ZBTB20: variants seen among roughly 807,000 people sequenced by gnomAD.
ZBTB20 encodes zinc finger and BTB domain-containing protein 20.
A neutral mutation model predicts 56.9 loss-of-function variants in ZBTB20; 9 were observed. That is an observed-to-expected ratio of 0.16 (90% CI 0.10 to 0.28). The LOEUF (loss-of-function observed/expected upper bound fraction) is 0.28, where lower values mean the gene tolerates loss of function less well. Among genes scored for constraint, ZBTB20 ranks in the 10% least tolerant of loss-of-function variants. The pLI is 1.00. For missense variants in ZBTB20, 655 were observed against 1,003.0 expected, an observed-to-expected ratio of 0.65 and a Z score of 4.69; for synonymous variants, 417 against 420.7, an observed-to-expected ratio of 0.99 and a Z score of 0.11.
At chr3:115,135,727 T>C (rs909923570) in intron 1 of ZBTB20, among the ~76,000 whole-genome samples, 1 of 152,194 alleles carries the variant, frequency 6.6e-6, no homozygotes, top group East Asian at 1.9e-4. Flanking sequence ...TGTTACCCTC[T>C]ATATTGTTCA....
At chr3:114,652,192 A>G (rs1407471241) in intron 6 of ZBTB20, among the ~76,000 whole-genome samples, 3 of 152,068 alleles carry the variant, frequency 2.0e-5, no homozygotes, top group African/African-American at 4.8e-5. Context: ...GCCCCCTTCC[A>G]GTTAATTTCT....
At chr3:114,389,833 G>A (rs1402764398) in intron 7 of ZBTB20, among the ~76,000 whole-genome samples, 3 of 135,630 alleles carry the variant, frequency 2.2e-5, no homozygotes, top group Non-Finnish European at 4.6e-5. Context: ...AGGTTGCAGT[G>A]AGCCGAGATT....
intron 3 of ZBTB20, among the ~76,000 whole-genome samples, chr3:114,945,295 G>A (rs1483448676): frequency 6.9e-6 from 1 of 145,062 alleles, no homozygotes; most frequent in Non-Finnish European, 1.5e-5. Context: ...TATCTTTCAA[G>A]TAAAAGGAAA....
At chr3:114,898,462 T>G (rs2074976826) in intron 4 of ZBTB20, among the ~76,000 whole-genome samples, 2 of 152,138 alleles carry the variant, frequency 1.3e-5, no homozygotes, top group Non-Finnish European at 2.9e-5. Context: ...ACAGAATTTA[T>G]CAGTATTCTC....
intron 4 of ZBTB20, among the ~76,000 whole-genome samples, chr3:114,877,630 T>C (rs1175691577): frequency 6.6e-6 from 1 of 152,238 alleles, no homozygotes; most frequent in East Asian, 1.9e-4. Flanking sequence ...TAAATATTTT[T>C]AAAACACACA....
Position 114,316,192 on chromosome 3 carries a change from G to A in ZBTB20, c.*22813C>T, listed in dbSNP as rs2078677680. The A allele has an allele frequency of 3.8e-6, 1 of 262,084 alleles. No homozygotes were observed. Among genetic ancestry groups the A allele is most frequent in the African/African-American group, 2.4e-5 (1 of 42,104 alleles). 16.2% of individuals were successfully genotyped at this position (262,084 alleles called of 1,614,324 possible). A position where few individuals can be genotyped will look rare whatever the true frequency, so the allele number is the denominator to read the frequency against. On this transcript the variant is annotated 3_prime_UTR_variant, in exon 12 of 12. Transcript: ENST00000675478. ...GACTAAAAGAAATAACTGATGAAAT[G>A]GTATATAGAACATTACTGCATTCGC...
chr3:114,564,016 GA>G (rs958911987), intron 6 of ZBTB20, among the ~76,000 whole-genome samples: 1 of 152,054 alleles, frequency 6.6e-6, no homozygotes, highest in Non-Finnish European at 1.5e-5. Flanking sequence ...GAGTCTTTAA[GA>G]GAAAATCCCT....
chr3:115,134,875 C>T (rs1251027494), intron 1 of ZBTB20, among the ~76,000 whole-genome samples: 1 of 152,220 alleles, frequency 6.6e-6, no homozygotes, highest in East Asian at 1.9e-4. Context: ...CAAAGGTAAA[C>T]AGCCTGTCAG....
At chr3:114,625,999 G>A (rs998705611) in intron 6 of ZBTB20, among the ~76,000 whole-genome samples, 16 of 152,124 alleles carry the variant, frequency 1.1e-4, no homozygotes, top group African/African-American at 3.9e-4. Flanking sequence ...TCAGGAAATG[G>A]TAGTAATGGC....
At chr3:114,591,403 ATTCT>A (rs1257785651) in intron 6 of ZBTB20, among the ~76,000 whole-genome samples, 1 of 152,226 alleles carries the variant, frequency 6.6e-6, no homozygotes, top group African/African-American at 2.4e-5. Flanking sequence ...AGAGGAAGTC[ATTCT>A]TTATTTTCAG....
intron 10 of ZBTB20, among the ~76,000 whole-genome samples, chr3:114,374,222 G>A (rs1018967684): frequency 1.3e-5 from 2 of 152,162 alleles, no homozygotes; most frequent in East Asian, 3.8e-4. Context: ...TAACAGATGA[G>A]GGGCTTACTT....
intron 11 of ZBTB20, among the ~76,000 whole-genome samples, chr3:114,342,233 G>A (rs2079836139): frequency 6.6e-6 from 1 of 152,096 alleles, no homozygotes; most frequent in African/African-American, 2.4e-5. Flanking sequence ...CTATTTTCTT[G>A]CATATTACTT....
intron 3 of ZBTB20, among the ~76,000 whole-genome samples, chr3:114,937,169 T>A (rs1271477819): frequency 6.6e-6 from 1 of 152,188 alleles, no homozygotes; most frequent in Non-Finnish European, 1.5e-5. Flanking sequence ...TAGTTCTGGT[T>A]CTAGATCCTT....
At chr3:114,679,156 G>A (rs980358885) in intron 6 of ZBTB20, among the ~76,000 whole-genome samples, 1 of 152,084 alleles carries the variant, frequency 6.6e-6, no homozygotes, top group Admixed American at 6.6e-5. Flanking sequence ...AGACTTAAAT[G>A]TAAGACCTAA....
chr3:114,620,750 C>T (rs1444821662), intron 6 of ZBTB20, among the ~76,000 whole-genome samples: 1 of 152,202 alleles, frequency 6.6e-6, no homozygotes, highest in African/African-American at 2.4e-5. Context: ...AAAACCTGCC[C>T]TCTAACCACT....
At chr3:114,481,863 T>C (rs1302765850) in intron 7 of ZBTB20, among the ~76,000 whole-genome samples, 1 of 152,114 alleles carries the variant, frequency 6.6e-6, no homozygotes, top group Non-Finnish European at 1.5e-5. Context: ...ACAAAGGAAA[T>C]GTGGCTGGTG....
At chr3:115,047,525 C>T (rs2081377044) in intron 2 of ZBTB20, among the ~76,000 whole-genome samples, 3 of 152,124 alleles carry the variant, frequency 2.0e-5, no homozygotes, top group African/African-American at 7.2e-5. Context: ...CATTATTGTA[C>T]ATTATTGTTA....
chr3:114,394,953 C>A (rs1338348385), intron 7 of ZBTB20, among the ~76,000 whole-genome samples: 2 of 152,148 alleles, frequency 1.3e-5, no homozygotes, highest in Non-Finnish European at 2.9e-5. Context: ...TGTAAAGTTC[C>A]TATTTTTTTA....
chr3:115,059,542 C>T (rs191635314), intron 2 of ZBTB20, among the ~76,000 whole-genome samples: 3 of 152,214 alleles, frequency 2.0e-5, no homozygotes, highest in East Asian at 3.9e-4. Context: ...TGTTCTTTGC[C>T]GGCCTTCTGG....
Sources: gnomAD v4.1 joint callset for allele counts (sites outside exome capture counted in the v4.1 genomes callset) on GRCh38, gnomAD v4.1.1 for gene constraint, MANE v1.5 for transcripts, NCBI Gene and HGNC (gene_info 2026-07-23, HGNC 2026-07-21) for gene names.